The following ANKRD17 variants were observed in gnomAD, a reference collection of about 807,000 sequenced individuals.
ANKRD17 encodes the protein ankyrin repeat domain-containing protein 17.
ANKRD17 carries 19 observed loss-of-function variants against 229.7 expected under a neutral mutation model. The observed-to-expected ratio is 0.08, with a 90% confidence interval of 0.06 to 0.12. The LOEUF is 0.12. Ranked by LOEUF, ANKRD17 falls within the 10% of genes least tolerant of loss-of-function variation. ANKRD17 has a pLI of 1.00. For missense variants in ANKRD17, 2,176 were observed against 3,176.8 expected, an observed-to-expected ratio of 0.68 and a Z score of 7.57; for synonymous variants, 1,112 against 1,146.1, an observed-to-expected ratio of 0.97 and a Z score of 0.60.
In ANKRD17 at chr4:73,093,977, T is replaced by C. The variant is rs1267542887; in HGVS notation, c.5327+102A>G. ...AATAAAATTCCCATTTTAAAAAGTA[T>C]ACTATGTAACACAAAGTTCCACTGA... is the stretch of plus-strand genomic sequence containing the variant. On this transcript the variant is annotated intron_variant, in intron 28 of 33. Transcript: ENST00000358602. 2.7e-6 allele frequency: 3 copies of C among 1,121,536 alleles called. No homozygotes were observed. The African/African-American group carries it at 4.7e-5, about 18-fold the overall frequency. 69.5% of individuals were successfully genotyped at this position (1,121,536 alleles called of 1,614,324 possible).
Position 73,140,247 on chromosome 4 carries a change from G to T in ANKRD17, c.2369C>A (p.Ala790Glu). The change falls in exon 15 of 34, where the codon GCA becomes GAA. Residue 790 changes from alanine (A) to glutamate (E), a missense_variant. Ala to Glu is a moderately radical substitution (Grantham distance 107). Transcript: ENST00000358602. ...SKQKSSSHLP[A>E]NSQDVQGYIT... Reference sequence around the variant, plus strand: ...GTAACCCTGTACATCCTGGCTGTTTGCTGGCAAATGGCTGCTGGACTTTTG... The same window carrying T: ...GTAACCCTGTACATCCTGGCTGTTTTCTGGCAAATGGCTGCTGGACTTTTG... The T allele has an allele frequency of 6.2e-7, 1 of 1,602,474 alleles. No individual in the cohort carries two copies. Among genetic ancestry groups the T allele is most frequent in the Non-Finnish European group, 8.5e-7 (1 of 1,176,976 alleles).
At chr4:73,243,323 A>G (rs953563118) in intron 1 of ANKRD17, among the ~76,000 whole-genome samples, 1 of 152,224 alleles carries the variant, frequency 6.6e-6, no homozygotes, top group African/African-American at 2.4e-5. Flanking sequence ...ATGGGGATTC[A>G]GGAGAAAAAG....
At chr4:73,090,557 C>T (rs1047359648) in intron 29 of ANKRD17, 110 bp downstream of exon 29, 31 of 1,377,140 alleles carry the variant, frequency 2.3e-5, no homozygotes, top group Non-Finnish European at 3.0e-5. Flanking sequence ...CTAAATCCAA[C>T]AATCTTTGTC....
chr4:73,250,345 C>T (rs1004984491), intron 1 of ANKRD17, among the ~76,000 whole-genome samples: 1 of 151,828 alleles, frequency 6.6e-6, no homozygotes, highest in Non-Finnish European at 1.5e-5. Flanking sequence ...CTCACATCTG[C>T]AAGCCCAGCA....
intron 1 of ANKRD17, among the ~76,000 whole-genome samples, chr4:73,256,672 A>C (rs187684844): frequency 7.2e-5 from 11 of 152,220 alleles, no homozygotes; most frequent in Non-Finnish European, 1.6e-4. Flanking sequence ...GAATCATACA[A>C]TTGAATGATT....
chr4:73,203,782 A>C (rs1469107081), intron 1 of ANKRD17, among the ~76,000 whole-genome samples: 1 of 150,644 alleles, frequency 6.6e-6, no homozygotes, highest in Non-Finnish European at 1.5e-5. Context: ...AAAAAAAAGA[A>C]AAAGAAATAA....
At position 73,206,662 on chromosome 4, in the gene ANKRD17, T is replaced by C. The variant is rs553823293; in HGVS notation, c.394-29129A>G. 2.8e-4 allele frequency among the ~76,000 whole-genome samples: 43 copies of C among 152,214 alleles called. No homozygotes were observed. In the South Asian group the frequency reaches 8.3e-3, roughly 29 times the overall value. ...TGAGTAAAATGGTGGTTACCAGGGA[T>C]TGACAGGGAAGGTGAGGGGTCAGGA... On this transcript the variant is annotated intron_variant, in intron 1 of 33. Coordinates refer to ENST00000358602, the MANE Select transcript of ANKRD17 (RefSeq NM_032217.5).
intron 1 of ANKRD17, among the ~76,000 whole-genome samples, chr4:73,218,323 G>A: frequency 6.6e-6 from 1 of 152,162 alleles, no homozygotes; most frequent in East Asian, 1.9e-4. Context: ...ATGTATCTAT[G>A]CATCCTAAAT....
rs138872102 is a variant in ANKRD17 at position 73,146,742 on chromosome 4, T to C, written c.1869+22A>G. ...AATTTCTTATTGTTAAATATTAAGA[T>C]TTAAAAAGTAACATAGCTTACCAGA... On this transcript the variant is annotated intron_variant, in intron 10 of 33. Coordinates refer to ENST00000358602, the MANE Select transcript of ANKRD17 (RefSeq NM_032217.5). 87 of 1,510,034 alleles carry C rather than the reference T, an allele frequency of 5.8e-5. No homozygotes were observed. In the East Asian group the frequency reaches 1.9e-3, roughly 34 times the overall value. The allele number at this position is 1,510,034 out of a possible 1,614,324, so 93.5% of individuals were successfully genotyped here.
intron 1 of ANKRD17, 43 bp downstream of exon 1, chr4:73,258,233 T>C (rs1578547583): frequency 6.2e-7 from 1 of 1,612,654 alleles, no homozygotes; most frequent in Non-Finnish European, 8.5e-7. Context: ...CCCTATCCCT[T>C]ACAGTCCCTT....
At chr4:73,123,799 G>T (rs1328973780) in intron 18 of ANKRD17, among the ~76,000 whole-genome samples, 1 of 151,706 alleles carries the variant, frequency 6.6e-6, no homozygotes, top group Non-Finnish European at 1.5e-5. Flanking sequence ...GCTATGACTG[G>T]GGGGAAGTGG....
chr4:73,076,159 A>G lies in ANKRD17; in HGVS notation c.*72T>C, dbSNP rs1720980319. 1.4e-6 allele frequency: 2 copies of G among 1,402,564 alleles called. No homozygotes were observed. 86.9% of individuals were successfully genotyped at this position (1,402,564 alleles called of 1,614,324 possible). On this transcript the variant is annotated 3_prime_UTR_variant, in exon 34 of 34. Transcript: ENST00000358602. ...CATCAGTAGAATGATTTGGGAGCAT[A>G]ATTTTTTTTTTCGGCCACTTGTGAT...
At chr4:73,087,499 T>A (rs188867507) in intron 29 of ANKRD17, among the ~76,000 whole-genome samples, 92 of 152,312 alleles carry the variant, frequency 6.0e-4, no homozygotes, top group South Asian at 2.7e-3. Context: ...TGAATTAAAC[T>A]TGCCCACAGA....
intron 1 of ANKRD17, among the ~76,000 whole-genome samples, chr4:73,184,317 T>TC (rs1261758748): frequency 6.6e-6 from 1 of 151,900 alleles, no homozygotes; most frequent in Non-Finnish European, 1.5e-5. Context: ...TCACCTGAGG[T>TC]CAGGAGTTCG....
chr4:73,242,202 A>T (rs1306751941), intron 1 of ANKRD17, among the ~76,000 whole-genome samples: 1 of 152,210 alleles, frequency 6.6e-6, no homozygotes, highest in Non-Finnish European at 1.5e-5. Context: ...AAAATAATTT[A>T]CTGGAATCAA....
intron 1 of ANKRD17, among the ~76,000 whole-genome samples, chr4:73,254,684 T>C (rs372821979): frequency 5.9e-5 from 9 of 151,840 alleles, no homozygotes; most frequent in Non-Finnish European, 1.3e-4. Context: ...AGGAAAATCA[T>C]TTGAACCCGG....
intron 15 of ANKRD17, among the ~76,000 whole-genome samples, chr4:73,137,704 C>T (rs1460492681): frequency 1.3e-5 from 2 of 152,070 alleles, no homozygotes; most frequent in East Asian, 1.9e-4. Flanking sequence ...ATGTTTCTCT[C>T]CCCATAGAAA....
At chr4:73,219,333 A>G (rs564556811) in intron 1 of ANKRD17, among the ~76,000 whole-genome samples, 1 of 150,312 alleles carries the variant, frequency 6.7e-6, no homozygotes, top group South Asian at 2.1e-4. Context: ...ACAGAATAAA[A>G]AGAAATATAA....
intron 1 of ANKRD17, among the ~76,000 whole-genome samples, chr4:73,198,262 A>AAT (rs1738164210): frequency 6.6e-6 from 1 of 152,216 alleles, no homozygotes; most frequent in African/African-American, 2.4e-5. Flanking sequence ...TAAAATAATC[A>AAT]TCATTTAATT....
Sources: allele counts gnomAD v4.1 joint callset (sites outside exome capture counted in the v4.1 genomes callset), GRCh38; gene constraint gnomAD v4.1.1; transcripts MANE v1.5; gene names NCBI Gene and HGNC (gene_info 2026-07-23, HGNC 2026-07-21).